Variants in ACOT1 observed in about 807,000 individuals in gnomAD.
ACOT1 encodes acyl-coenzyme A thioesterase 1.
ACOT1 carries 8 observed loss-of-function variants against 15.7 expected under a neutral mutation model. The observed-to-expected ratio is 0.51, with a 90% CI of 0.30 to 0.92. The LOEUF (loss-of-function observed/expected upper bound fraction) is 0.92, where lower values mean the gene tolerates loss of function less well. Ranked by LOEUF, ACOT1 falls within the 40% of genes least tolerant of loss-of-function variation. The pLI, the probability that ACOT1 is intolerant of heterozygous loss-of-function variation, is 0.06. For synonymous variants in ACOT1, 67 were observed against 241.2 expected, an observed-to-expected ratio of 0.28 and a Z score of 6.69; for missense variants, 151 against 539.4, an observed-to-expected ratio of 0.28 and a Z score of 7.13.
the ACOT1 span, among the ~76,000 whole-genome samples, chr14:73,514,797 G>A: frequency 6.6e-6 from 1 of 152,234 alleles, no homozygotes; most frequent in East Asian, 1.9e-4. Flanking sequence ...GGCCGGGTAC[G>A]GTGGCTTTTG....
the ACOT1 span, among the ~76,000 whole-genome samples, chr14:73,526,607 G>A: frequency 5.3e-5 from 8 of 152,148 alleles, no homozygotes; most frequent in African/African-American, 1.9e-4. Context: ...TCAGCCACAG[G>A]AAAATAAAGC....
the ACOT1 span, chr14:73,491,148 G>A: frequency 1.9e-6 from 3 of 1,607,876 alleles, no homozygotes; most frequent in East Asian, 2.2e-5. Flanking sequence ...AAGCAGCTGC[G>A]AAGTGTTGTA....
At chr14:73,497,394 C>G in the ACOT1 span, among the ~76,000 whole-genome samples, 1 of 152,160 alleles carries the variant, frequency 6.6e-6, no homozygotes, top group Non-Finnish European at 1.5e-5. Flanking sequence ...ACCTTTATGA[C>G]AGGCGCTAAA....
the ACOT1 span, among the ~76,000 whole-genome samples, chr14:73,519,696 G>A: frequency 6.6e-6 from 1 of 152,136 alleles, no homozygotes; most frequent in East Asian, 1.9e-4. Context: ...TCCAGCCTAG[G>A]CAATGGGAGT....
intron 1 of ACOT1, 57 bp downstream of exon 1, chr14:73,537,935 CTG>C (rs375758117): frequency 0.032 from 29,834 of 938,472 alleles, 9 homozygotes; most frequent in East Asian, 0.054. Context: ...GCGCTTTCCA[CTG>C]TGTGTGTGTG....
the ACOT1 span, among the ~76,000 whole-genome samples, chr14:73,515,436 T>C: frequency 6.6e-6 from 1 of 151,946 alleles, no homozygotes; most frequent in East Asian, 1.9e-4. Context: ...TCCCAGCACT[T>C]TGGGAGGCCA....
At chr14:73,492,433 G>A in the ACOT1 span, 10 of 1,613,692 alleles carry the variant, frequency 6.2e-6, no homozygotes, top group Non-Finnish European at 8.5e-6. This position sits in a 1 kb window ranked among gnomAD's most constrained non-coding sequence, Gnocchi z 4.9. Flanking sequence ...CTAAGGATCC[G>A]CGAAGAACCG....
the ACOT1 span, among the ~76,000 whole-genome samples, chr14:73,531,705 C>T: frequency 8.9e-6 from 1 of 112,528 alleles, no homozygotes; most frequent in African/African-American, 2.9e-5. Flanking sequence ...CCACCACACC[C>T]AGCCTCTTGG....
At chr14:73,517,951 T>C in the ACOT1 span, among the ~76,000 whole-genome samples, 1 of 152,096 alleles carries the variant, frequency 6.6e-6, no homozygotes, top group Admixed American at 6.6e-5. Flanking sequence ...CTGGGTGTGG[T>C]GGCGCGCACC....
At chr14:73,498,974 G>A in the ACOT1 span, 381 of 993,744 alleles carry the variant, frequency 3.8e-4, 1 homozygote, top group African/African-American at 5.2e-3. Flanking sequence ...TACCTCTCCT[G>A]CACTTCACCC....
At chr14:73,506,591 G>A in the ACOT1 span, 1 of 1,549,492 alleles carries the variant, frequency 6.5e-7, no homozygotes, top group Non-Finnish European at 8.9e-7. Flanking sequence ...TGGAAGACTT[G>A]TATGGATATT....
chr14:73,526,555 C>T, the ACOT1 span, among the ~76,000 whole-genome samples: 3 of 151,964 alleles, frequency 2.0e-5, no homozygotes, highest in South Asian at 2.1e-4. Flanking sequence ...GGGAAGAGTA[C>T]TCAAGTTGCA....
In ACOT1 at chr14:73,538,634, A is replaced by G. The variant is rs138695223; in HGVS notation, c.457+756A>G. Reference sequence around the variant, plus strand: ...CTCAAAAAAAAAAAAAAAAAAAGGCATTGTAAGGAAAGAGAAAAGACACAT... The same window carrying G: ...CTCAAAAAAAAAAAAAAAAAAAGGCGTTGTAAGGAAAGAGAAAAGACACAT... On this transcript the variant is annotated intron_variant, in intron 1 of 2. Transcript: ENST00000311148. 1.4e-3 allele frequency among the ~76,000 whole-genome samples: 152 copies of G among 106,168 alleles called. 23 individuals carry two copies. Among genetic ancestry groups the G allele is most frequent in the African/African-American group, 4.6e-3 (148 of 32,126 alleles). The allele number at this position is 106,168 out of a possible 152,430, so 69.7% of individuals were successfully genotyped here.
chr14:73,522,192 G>A, the ACOT1 span: 12 of 1,417,036 alleles, frequency 8.5e-6, no homozygotes, highest in East Asian at 9.2e-5. Context: ...TTCTGAAATC[G>A]GGAGTGTGAG....
At chr14:73,500,029 A>C in the ACOT1 span, among the ~76,000 whole-genome samples, 1 of 152,212 alleles carries the variant, frequency 6.6e-6, no homozygotes, top group Non-Finnish European at 1.5e-5. Flanking sequence ...GGACATCGAG[A>C]CCATCCTGGC....
chr14:73,519,019 T>TTAAAC, the ACOT1 span: 1 of 1,611,402 alleles, frequency 6.2e-7, no homozygotes, highest in Non-Finnish European at 8.5e-7. Context: ...AGCTTCCTGC[T>TTAAAC]TACATGCTTC....
rs557526730 is a variant in ACOT1, at chr14:73,539,930, C to G, written c.458-1563C>G. 4.3e-5 allele frequency: 5 copies of G among 116,292 alleles called. 2 individuals are homozygous for G. Among genetic ancestry groups the G allele is most frequent in the Non-Finnish European group, 9.4e-5 (5 of 53,154 alleles). 7.2% of individuals were successfully genotyped at this position (116,292 alleles called of 1,614,324 possible). On this transcript the variant is annotated intron_variant, in intron 1 of 2. Transcript: ENST00000311148. ...ATTAGCATTTACAATAGGAAAGCCTCTTCCTGTCAAATGGAAATTTGAGGT... is the reference window on the plus strand; with the variant it reads ...ATTAGCATTTACAATAGGAAAGCCTGTTCCTGTCAAATGGAAATTTGAGGT...
chr14:73,496,457 A>C, the ACOT1 span: 1 of 595,584 alleles, frequency 1.7e-6, no homozygotes, highest in Non-Finnish European at 3.0e-6. Flanking sequence ...TGCATCTTCA[A>C]ATGATGTGGC....
the ACOT1 span, among the ~76,000 whole-genome samples, chr14:73,499,705 C>T: frequency 1.3e-5 from 2 of 152,222 alleles, no homozygotes; most frequent in Admixed American, 1.3e-4. Flanking sequence ...TTGAACACTT[C>T]AAACAGATTT....
Sources: gnomAD v4.1 joint callset for allele counts (sites outside exome capture counted in the v4.1 genomes callset) on GRCh38, gnomAD v4.1.1 for gene constraint, Gnocchi (gnomAD v3.1) non-coding constraint, MANE v1.5 for transcripts, NCBI Gene and HGNC (gene_info 2026-07-23, HGNC 2026-07-21) for gene names.